MARCHF8: variants seen among roughly 807,000 people sequenced by gnomAD.
MARCHF8 encodes E3 ubiquitin-protein ligase MARCHF8.
In MARCHF8, 40 loss-of-function variants were observed where a neutral mutation model predicts 51.6. The ratio of observed to expected loss-of-function variants is 0.77; its 90% CI spans 0.60 to 1.01. The LOEUF (loss-of-function observed/expected upper bound fraction) is 1.01, where lower values mean the gene tolerates loss of function less well. Among genes scored for constraint, MARCHF8 ranks in the 50% least tolerant of loss-of-function variants. The pLI is 0.00. For synonymous variants in MARCHF8, 263 were observed against 280.3 expected (o/e 0.94, Z 0.62); for missense variants, 685 against 708.6 (o/e 0.97, Z 0.38).
At chr10:45,567,615 G>A (rs777012956) in intron 1 of MARCHF8, among the ~76,000 whole-genome samples, 3 of 151,972 alleles carry the variant, frequency 2.0e-5, no homozygotes, top group East Asian at 1.9e-4. Context: ...CTGGGTTCTC[G>A]GTTCTCTATT....
In MARCHF8 at chr10:45,563,531, AC is replaced by A. The variant is rs1336422891; in HGVS notation, c.-78-30243del. ...TATGATAATATCTCAAGAATAAACCACAAAAATACTTCCAAACCAATTCAGA... is the reference window on the plus strand; with the variant it reads ...TATGATAATATCTCAAGAATAAACCAAAAAATACTTCCAAACCAATTCAGA... On this transcript the variant is annotated intron_variant, in intron 1 of 6. Transcript: ENST00000319836. Among the ~76,000 whole-genome samples, 4 of 152,360 alleles carry A rather than the reference AC, an allele frequency of 2.6e-5. No individual in the cohort carries two copies. The South Asian group carries it at 8.3e-4, about 32-fold the overall frequency.
At chr10:45,550,630 G>T (rs1159312113) in intron 1 of MARCHF8, among the ~76,000 whole-genome samples, 18 of 151,960 alleles carry the variant, frequency 1.2e-4, no homozygotes, top group Admixed American at 1.2e-3. Flanking sequence ...CTGACCATCC[G>T]AGATATGTCT....
intron 1 of MARCHF8, among the ~76,000 whole-genome samples, chr10:45,551,822 T>C (rs1266931806): frequency 3.3e-5 from 5 of 151,534 alleles, no homozygotes; most frequent in African/African-American, 1.2e-4. Flanking sequence ...TATCTATCTA[T>C]ATATATAGGT....
At chr10:45,551,202 C>G (rs955438594) in intron 1 of MARCHF8, among the ~76,000 whole-genome samples, 2 of 152,130 alleles carry the variant, frequency 1.3e-5, no homozygotes, top group Non-Finnish European at 2.9e-5. Flanking sequence ...CACAAGAAAA[C>G]TGTTTTAGTC....
At chr10:45,490,226 G>C (rs1409696514) in intron 2 of MARCHF8, among the ~76,000 whole-genome samples, 1 of 152,142 alleles carries the variant, frequency 6.6e-6, no homozygotes, top group African/African-American at 2.4e-5. Context: ...TGAAAATTTA[G>C]ATGTTGATGT....
At chr10:45,474,534 T>C (rs1023806998) in intron 3 of MARCHF8, among the ~76,000 whole-genome samples, 1 of 152,162 alleles carries the variant, frequency 6.6e-6, no homozygotes, top group African/African-American at 2.4e-5. Flanking sequence ...ACAATGAGTT[T>C]AGGTGATATA....
upstream of MARCHF8, among the ~76,000 whole-genome samples, chr10:45,539,535 GT>G (rs1331609900): frequency 6.6e-6 from 1 of 152,110 alleles, no homozygotes; most frequent in Non-Finnish European, 1.5e-5. Flanking sequence ...CCAGGAGCTG[GT>G]TTTTTGAAAA....
chr10:45,514,363 T>C (rs2043585032), intron 2 of MARCHF8, among the ~76,000 whole-genome samples: 1 of 152,228 alleles, frequency 6.6e-6, no homozygotes, highest in Non-Finnish European at 1.5e-5. Context: ...AAGAATGCAT[T>C]GGTGTGCGCT....
intron 4 of MARCHF8, 55 bp from the exon 5 acceptor site, chr10:45,464,051 G>A (rs1842886277): frequency 6.7e-7 from 1 of 1,503,310 alleles, no homozygotes; most frequent in Admixed American, 2.2e-5. Context: ...TTTTAAAAGA[G>A]AATAGACATC....
At chr10:45,463,116 G>C (rs1225617953) in intron 5 of MARCHF8, 35 bp downstream of exon 5, 1 of 1,530,816 alleles carries the variant, frequency 6.5e-7, no homozygotes, top group East Asian at 2.5e-5. Flanking sequence ...GATGCGAGCA[G>C]AGATGGCTAG....
chr10:45,576,139 G>A (rs1280841619), intron 1 of MARCHF8, among the ~76,000 whole-genome samples: 2 of 152,192 alleles, frequency 1.3e-5, no homozygotes, highest in African/African-American at 4.8e-5. Flanking sequence ...AATCAGGAGA[G>A]TACTGTGCTG....
chr10:45,544,926 A>G (rs923146157), intron 1 of MARCHF8, among the ~76,000 whole-genome samples: 3 of 152,124 alleles, frequency 2.0e-5, no homozygotes, highest in Non-Finnish European at 4.4e-5. Context: ...CCCTCTCTCT[A>G]TAGTCCAGCA....
intron 1 of MARCHF8, among the ~76,000 whole-genome samples, chr10:45,588,353 G>A (rs1372552636): frequency 2.0e-5 from 3 of 152,134 alleles, no homozygotes; most frequent in African/African-American, 7.2e-5. Flanking sequence ...GAACGGGTTG[G>A]CTTCTATGAG....
intron 3 of MARCHF8, among the ~76,000 whole-genome samples, chr10:45,469,568 T>C (rs1483633155): frequency 6.6e-6 from 1 of 152,098 alleles, no homozygotes; most frequent in African/African-American, 2.4e-5. Flanking sequence ...TGGGTTTCAA[T>C]ATAAAAGCTA....
intron 2 of MARCHF8, among the ~76,000 whole-genome samples, chr10:45,527,178 GA>G (rs1171079969): frequency 1.3e-5 from 2 of 151,724 alleles, no homozygotes; most frequent in African/African-American, 4.8e-5. Flanking sequence ...TGCCTAAATC[GA>G]AAAAAATAGA....
intron 1 of MARCHF8, among the ~76,000 whole-genome samples, chr10:45,567,025 G>T (rs2044372410): frequency 6.6e-6 from 1 of 152,152 alleles, no homozygotes; most frequent in South Asian, 2.1e-4. Flanking sequence ...TTTCTCTGAT[G>T]ATTGATGTTG....
rs79228939 is a variant in MARCHF8, at chr10:45,497,509, T to C, written c.103-8092A>G. On this transcript the variant is annotated intron_variant, in intron 2 of 7. Coordinates refer to ENST00000453424, the MANE Select transcript of MARCHF8 (RefSeq NM_001282866.2). ...TTCTCAAGTGCACAACAACAGACTA[T>C]AGAGTAGTCCACAAAACAAACATCA... Among the ~76,000 whole-genome samples, 1,487 of 152,124 alleles carry C rather than the reference T, an allele frequency of 9.8e-3. 28 individuals are homozygous for C. Among genetic ancestry groups the C allele is most frequent in the African/African-American group, 0.034 (1,417 of 41,486 alleles).
At chr10:45,566,026 A>AG (rs2044360505) in intron 1 of MARCHF8, among the ~76,000 whole-genome samples, 1 of 152,126 alleles carries the variant, frequency 6.6e-6, no homozygotes, top group Non-Finnish European at 1.5e-5. Flanking sequence ...TGGGATCACC[A>AG]GGTGGCACAT....
intron 1 of MARCHF8, among the ~76,000 whole-genome samples, chr10:45,545,924 G>A (rs1049036498): frequency 1.3e-5 from 2 of 152,138 alleles, no homozygotes; most frequent in East Asian, 3.9e-4. Context: ...TATAAAGATT[G>A]CCCTGCTCCT....
Sources: allele counts gnomAD v4.1 joint callset (sites outside exome capture counted in the v4.1 genomes callset), GRCh38; gene constraint gnomAD v4.1.1; transcripts MANE v1.5; gene names NCBI Gene and HGNC (gene_info 2026-07-23, HGNC 2026-07-21).